MARCHF5: variants seen among roughly 807,000 people sequenced by gnomAD.
The protein encoded by MARCHF5 is E3 ubiquitin-protein ligase MARCHF5.
A neutral mutation model predicts 36.5 loss-of-function variants in MARCHF5; 5 were observed. The ratio of observed to expected loss-of-function variants is 0.14; its 90% confidence interval spans 0.07 to 0.29. MARCHF5 has a LOEUF of 0.29. Among genes scored for constraint, MARCHF5 ranks in the 10% least tolerant of loss-of-function variants. MARCHF5 has a pLI of 1.00. For synonymous variants in MARCHF5, 103 were observed against 109.9 expected, an observed-to-expected ratio of 0.94 and a Z score of 0.39; for missense variants, 179 against 336.3, an observed-to-expected ratio of 0.53 and a Z score of 3.66.
chr10:92,325,565 T>C (rs1375709534), intron 2 of MARCHF5, among the ~76,000 whole-genome samples: 2 of 152,232 alleles, frequency 1.3e-5, no homozygotes, highest in Admixed American at 1.3e-4. Flanking sequence ...AATAGCAATT[T>C]TGTCATAAAA....
chr10:92,332,107 A>G (rs4999831), intron 2 of MARCHF5, among the ~76,000 whole-genome samples: 99,312 of 149,770 alleles, frequency 0.66, 34,317 homozygotes, highest in African/African-American at 0.85. Flanking sequence ...GACCAGGCAT[A>G]GTGTCTCATG....
intron 2 of MARCHF5, among the ~76,000 whole-genome samples, chr10:92,311,791 T>C (rs1311755628): frequency 2.0e-5 from 3 of 152,246 alleles, no homozygotes; most frequent in Non-Finnish European, 4.4e-5. Context: ...TAAACTCATC[T>C]TTGGAATCCA....
In MARCHF5 at chr10:92,297,385, G is replaced by A. The variant is rs144513204; in HGVS notation, c.35+5856G>A. Among the ~76,000 whole-genome samples, 489 of 151,274 alleles carry A rather than the reference G, an allele frequency of 3.2e-3. 2 individuals are homozygous for A. Among genetic ancestry groups the A allele is most frequent in the Non-Finnish European group, 5.2e-3 (350 of 67,874 alleles). ...GAGTTTCACCACGTTGCCCAGGCTG[G>A]TCTCAAACTCCTGGGCTCAAGTGAT... On this transcript the variant is annotated intron_variant, in intron 1 of 5. Transcript: ENST00000358935.
At position 92,349,536 on chromosome 10, in the gene MARCHF5, A is replaced by G; in HGVS notation, c.553+4A>G. ...ATTTTAAATAGTATATTTCCAGGTA[A>G]GGCACTGAACTGTGGTTGTAAAGTG... On this transcript the variant is annotated splice_donor_region_variant and intron_variant, in intron 4 of 5. Transcript: ENST00000358935. 2 of 1,612,374 alleles carry G rather than the reference A, an allele frequency of 1.2e-6. No homozygotes were observed. The highest frequency in any genetic ancestry group is 1.7e-6 in the Non-Finnish European group (2 of 1,179,164).
In MARCHF5 at chr10:92,340,704, T is replaced by C. The variant is rs367545805; in HGVS notation, c.270T>C (p.Asp90=). The change falls in exon 3 of 6, where the codon GAT becomes GAC. Residue 90 remains aspartate, a synonymous_variant. Transcript: ENST00000358935. ...GPVVYVLDLA[D]RLISKACPFA... is the part of the protein sequence containing the mutation. The stretch of plus-strand genomic sequence containing the variant: ...TGGTTTACGTCTTGGATCTTGCAGA[T>C]AGACTGATCTCAAAAGCCTGTCCAT... 1.9e-5 allele frequency: 30 copies of C among 1,613,788 alleles called. No individual in the cohort carries two copies. The highest frequency in any genetic ancestry group is 2.2e-5 in the East Asian group (1 of 44,858).
intron 2 of MARCHF5, among the ~76,000 whole-genome samples, chr10:92,327,309 T>C (rs75210430): frequency 4.4e-5 from 4 of 90,916 alleles, no homozygotes; most frequent in Admixed American, 3.0e-4. Context: ...TATGAAGAGC[T>C]TTTTTTTTTT....
intron 2 of MARCHF5, among the ~76,000 whole-genome samples, chr10:92,314,692 AT>A (rs200427732): frequency 0.048 from 7,112 of 148,894 alleles, 265 homozygotes; most frequent in Non-Finnish European, 0.074. Flanking sequence ...TATTGTTAGC[AT>A]ATTTCCTCTT....
chr10:92,296,898 T>G (rs1300343464), intron 1 of MARCHF5, among the ~76,000 whole-genome samples: 1 of 152,206 alleles, frequency 6.6e-6, no homozygotes, highest in Non-Finnish European at 1.5e-5. Context: ...AATTTCACAT[T>G]TTCTTTGTCA....
At chr10:92,320,751 G>A (rs962050453) in intron 2 of MARCHF5, among the ~76,000 whole-genome samples, 1 of 151,632 alleles carries the variant, frequency 6.6e-6, no homozygotes, top group African/African-American at 2.4e-5. Context: ...AGTTAAAAGT[G>A]TATAGAGTTT....
chr10:92,343,757 T>G (rs1843607977), intron 3 of MARCHF5, among the ~76,000 whole-genome samples: 1 of 152,126 alleles, frequency 6.6e-6, no homozygotes, highest in Non-Finnish European at 1.5e-5. Flanking sequence ...TTAGTAGAGA[T>G]GGGGTTTCAC....
chr10:92,339,344 TG>T (rs1209668974), intron 2 of MARCHF5, among the ~76,000 whole-genome samples: 3 of 151,728 alleles, frequency 2.0e-5, no homozygotes, highest in Non-Finnish European at 4.4e-5. Flanking sequence ...CACCCCAGAC[TG>T]GGTGACACAG....
intron 2 of MARCHF5, among the ~76,000 whole-genome samples, chr10:92,318,964 C>T (rs1004961842): frequency 6.6e-6 from 1 of 152,198 alleles, no homozygotes. Flanking sequence ...GCCTCGGCCT[C>T]CTAAAGTGCT....
At chr10:92,319,970 C>CT (rs1843270227) in intron 2 of MARCHF5, among the ~76,000 whole-genome samples, 2 of 127,858 alleles carry the variant, frequency 1.6e-5, no homozygotes, top group African/African-American at 5.9e-5. Flanking sequence ...AAAAAAATTT[C>CT]TTTTCTTTTT....
At chr10:92,328,183 A>G (rs1363476104) in intron 2 of MARCHF5, among the ~76,000 whole-genome samples, 1 of 151,712 alleles carries the variant, frequency 6.6e-6, no homozygotes. Flanking sequence ...GTAAGGAGAC[A>G]TGACTAAATG....
At chr10:92,309,136 T>C (rs1400450712) in intron 1 of MARCHF5, among the ~76,000 whole-genome samples, 1 of 152,178 alleles carries the variant, frequency 6.6e-6, no homozygotes, top group Non-Finnish European at 1.5e-5. Context: ...AGAAAGCAAA[T>C]ATAGCAGAAT....
intron 1 of MARCHF5, among the ~76,000 whole-genome samples, chr10:92,299,006 G>A (rs1301862572): frequency 1.3e-5 from 2 of 151,172 alleles, no homozygotes; most frequent in African/African-American, 4.9e-5. Context: ...GTGGGGAGGG[G>A]GATAGAGACG....
In MARCHF5 at chr10:92,351,470, G is replaced by GTTCATATTT. The variant is rs1419424273; in HGVS notation, c.*265_*273dup. The GTTCATATTT allele has an allele frequency of 7.7e-6, 2 of 258,522 alleles. No individual in the cohort carries two copies. Among genetic ancestry groups the GTTCATATTT allele is most frequent in the Non-Finnish European group, 1.4e-5 (2 of 138,258 alleles). The allele number at this position is 258,522 out of a possible 1,614,324, so 16.0% of individuals were successfully genotyped here. ...TCTTAGCATGGTAAACCTGGGTTTTGTTCATATTTTCTCCAGACAGAAATG... is the reference window on the plus strand; with the variant it reads ...TCTTAGCATGGTAAACCTGGGTTTTGTTCATATTTTTCATATTTTCTCCAGACAGAAATG... On this transcript the variant is annotated 3_prime_UTR_variant, in exon 6 of 6. Coordinates refer to ENST00000358935, the MANE Select transcript of MARCHF5 (RefSeq NM_017824.5).
chr10:92,340,620 AT>A, intron 2 of MARCHF5, 52 bp from the exon 3 acceptor site: 1 of 1,510,678 alleles, frequency 6.6e-7, no homozygotes, highest in Non-Finnish European at 8.9e-7. Context: ...CAAACAAGTC[AT>A]TTTAAAAGTT....
chr10:92,297,999 A>T (rs991837673), intron 1 of MARCHF5, among the ~76,000 whole-genome samples: 6 of 152,138 alleles, frequency 3.9e-5, no homozygotes, highest in Admixed American at 1.3e-4. Flanking sequence ...GGAGTTCAAG[A>T]CCAGCCTGGC....
Sources: allele counts gnomAD v4.1 joint callset (sites outside exome capture counted in the v4.1 genomes callset), GRCh38; gene constraint gnomAD v4.1.1; transcripts MANE v1.5; gene names NCBI Gene and HGNC (gene_info 2026-07-23, HGNC 2026-07-21).